The following WDR64 variants were observed in gnomAD, a reference collection of about 807,000 sequenced individuals.
WDR64 encodes the protein WD repeat domain 64, also known as WD repeat-containing protein 64.
In WDR64, 112 loss-of-function variants were observed where a neutral mutation model predicts 139.3. The observed-to-expected ratio is 0.80, with a 90% confidence interval of 0.69 to 0.94. The LOEUF (loss-of-function observed/expected upper bound fraction) is 0.94, where lower values mean the gene tolerates loss of function less well. Ranked by LOEUF, WDR64 falls within the 40% of genes least tolerant of loss-of-function variation. The probability of loss-of-function intolerance (pLI) is 0.00; values close to 1 mark genes in which losing one functional copy is unlikely to be tolerated. For missense variants in WDR64, 1,206 were observed against 1,293.1 expected (o/e 0.93, Z 1.03); for synonymous variants, 444 against 437.7 (o/e 1.01, Z -0.18).
rs1233024293 is a variant in WDR64 at position 241,787,855 on chromosome 1, G to A, written c.2712G>A (p.Trp904Ter). ...TASIDGSVRL[W>*]HALNGHYCGY... is the part of the protein sequence containing the mutation. ...TTCCTTTTCCTTCCCTCAGGCTCTG[G>A]CATGCCCTCAATGGACATTATTGTG... is the stretch of plus-strand genomic sequence containing the variant. The change falls in exon 24 of 28, where the codon TGG (tryptophan) becomes TGA (stop). Residue 904 changes from tryptophan (W) to a stop codon, truncating the protein, a stop_gained. Coordinates refer to ENST00000437684, the MANE Select transcript of WDR64 (RefSeq NM_001367482.1). LOFTEE classifies it high-confidence loss of function. 6.3e-7 allele frequency: 1 copy of A among 1,578,684 alleles called. No individual in the cohort carries two copies. Among genetic ancestry groups the A allele is most frequent in the South Asian group, 1.2e-5 (1 of 84,354 alleles).
At chr1:241,660,264 T>C (rs1327131446) in intron 1 of WDR64, among the ~76,000 whole-genome samples, 1 of 152,212 alleles carries the variant, frequency 6.6e-6, no homozygotes, top group Non-Finnish European at 1.5e-5. Context: ...TCTGTTCCAT[T>C]GGTCTGAGTG....
chr1:241,677,197 T>C (rs567430428), intron 4 of WDR64: 5 of 396,764 alleles, frequency 1.3e-5, no homozygotes, highest in Non-Finnish European at 2.2e-5. Context: ...GTAAGGATTA[T>C]GAAACTTTTA....
At chr1:241,666,011 C>T (rs1420679336) in intron 2 of WDR64, among the ~76,000 whole-genome samples, 7 of 152,062 alleles carry the variant, frequency 4.6e-5, no homozygotes, top group Non-Finnish European at 8.8e-5. Flanking sequence ...CTTCTATTGG[C>T]TTTTTTATTT....
At chr1:241,716,723 C>T (rs1668417620) in intron 9 of WDR64, among the ~76,000 whole-genome samples, 3 of 152,174 alleles carry the variant, frequency 2.0e-5, no homozygotes, top group East Asian at 1.9e-4. Context: ...GCTTTGAGAG[C>T]TTCGCATCTG....
chr1:241,709,404 T>C (rs553752659), intron 8 of WDR64, among the ~76,000 whole-genome samples: 3 of 152,334 alleles, frequency 2.0e-5, no homozygotes, highest in Non-Finnish European at 4.4e-5. Flanking sequence ...TTCTGGTTAT[T>C]ACCCCTTAGG....
rs754950026 is a variant in WDR64 at position 241,788,048 on chromosome 1, C to T, written c.2891+14C>T. 6.4e-7 allele frequency: 1 copy of T among 1,562,450 alleles called. No homozygotes were observed. Among genetic ancestry groups the T allele is most frequent in the Non-Finnish European group, 8.6e-7 (1 of 1,158,572 alleles). On this transcript the variant is annotated intron_variant, in intron 24 of 27. Coordinates refer to ENST00000437684, the MANE Select transcript of WDR64 (RefSeq NM_001367482.1). Reference sequence around the variant, plus strand: ...TGACCGGGAAAAGTAAGACCATTAGCTCTTCTTTAGATAAGCATACAAGAA... The same window carrying T: ...TGACCGGGAAAAGTAAGACCATTAGTTCTTCTTTAGATAAGCATACAAGAA...
At chr1:241,748,366 C>T (rs946280429) in intron 13 of WDR64, among the ~76,000 whole-genome samples, 1 of 152,118 alleles carries the variant, frequency 6.6e-6, no homozygotes, top group African/African-American at 2.4e-5. Context: ...GAGATCAAGG[C>T]GCTGGCAGAT....
At chr1:241,662,985 A>G (rs1346818435) in intron 2 of WDR64, among the ~76,000 whole-genome samples, 1 of 152,224 alleles carries the variant, frequency 6.6e-6, no homozygotes, top group Non-Finnish European at 1.5e-5. Flanking sequence ...CAATAGAATT[A>G]TATGGCAAAC....
At chr1:241,795,156 C>T (rs1416537070) in intron 25 of WDR64, 51 bp from the exon 26 acceptor site, 2 of 1,514,894 alleles carry the variant, frequency 1.3e-6, no homozygotes, top group African/African-American at 1.4e-5. Flanking sequence ...GGTATTTTAC[C>T]AGTGATAGGA....
intron 16 of WDR64, among the ~76,000 whole-genome samples, chr1:241,768,561 A>C (rs1013220696): frequency 6.6e-5 from 10 of 152,206 alleles, no homozygotes; most frequent in African/African-American, 2.4e-4. Context: ...AAATCTCTTA[A>C]AAAATTTGAG....
chr1:241,675,123 C>T (rs142765172), intron 4 of WDR64, among the ~76,000 whole-genome samples: 9,335 of 17,156 alleles, frequency 0.54, 1,275 homozygotes, highest in Non-Finnish European at 0.56. Context: ...CTCCCTCCCT[C>T]CTTCCCTCCT....
At chr1:241,764,976 A>C (rs1274847581) in intron 15 of WDR64, among the ~76,000 whole-genome samples, 2 of 152,190 alleles carry the variant, frequency 1.3e-5, no homozygotes, top group East Asian at 3.9e-4. Context: ...ACTTGAGCTC[A>C]GGAATTTGAG....
At chr1:241,771,066 G>A (rs1658408988) in intron 18 of WDR64, among the ~76,000 whole-genome samples, 1 of 152,252 alleles carries the variant, frequency 6.6e-6, no homozygotes, top group Middle Eastern at 3.4e-3. Context: ...ACAGGGAGAA[G>A]AGACAGCAGG....
chr1:241,801,639 A>G lies in WDR64; in HGVS notation c.*424A>G. On this transcript the variant is annotated 3_prime_UTR_variant, in exon 28 of 28. Transcript: ENST00000437684. ...TGTTGTACAAAAAGAATTATTAAAA[A>G]GAAAAATGTACCAGTCAGATCTCTA... The G allele has an allele frequency of 2.5e-6, 1 of 399,206 alleles. No homozygotes were observed. Among genetic ancestry groups the G allele is most frequent in the East Asian group, 3.6e-5 (1 of 28,088 alleles). The allele number at this position is 399,206 out of a possible 1,614,324, so 24.7% of individuals were successfully genotyped here.
At chr1:241,697,555 G>T (rs1001384640) in intron 8 of WDR64, among the ~76,000 whole-genome samples, 37 of 152,186 alleles carry the variant, frequency 2.4e-4, no homozygotes, top group African/African-American at 8.4e-4. Flanking sequence ...AGGCTAGCTG[G>T]AACTACAGGC....
chr1:241,759,098 T>C (rs899566120), intron 15 of WDR64, among the ~76,000 whole-genome samples: 1 of 152,160 alleles, frequency 6.6e-6, no homozygotes, highest in Admixed American at 6.5e-5. Context: ...TGTATTCTTC[T>C]ATATAATATA....
At chr1:241,672,226 T>C (rs1666260783) in intron 3 of WDR64, among the ~76,000 whole-genome samples, 1 of 151,944 alleles carries the variant, frequency 6.6e-6, no homozygotes, top group Non-Finnish European at 1.5e-5. Flanking sequence ...CCCACCTTCA[T>C]CCTTGACTCT....
At chr1:241,686,801 G>C (rs1403859129) in intron 7 of WDR64, among the ~76,000 whole-genome samples, 1 of 152,154 alleles carries the variant, frequency 6.6e-6, no homozygotes, top group African/African-American at 2.4e-5. Flanking sequence ...TATATTTTCA[G>C]ATGGATTGAT....
At chr1:241,746,761 C>CTTT (rs34375079) in intron 13 of WDR64, among the ~76,000 whole-genome samples, 1,594 of 142,058 alleles carry the variant, frequency 0.011, 27 homozygotes, top group African/African-American at 0.04. Flanking sequence ...CATTTCAGTT[C>CTTT]TTTTTTTTTT....
Sources: allele counts gnomAD v4.1 joint callset (sites outside exome capture counted in the v4.1 genomes callset), GRCh38; gene constraint gnomAD v4.1.1; transcripts MANE v1.5; gene names NCBI Gene and HGNC (gene_info 2026-07-23, HGNC 2026-07-21).